The following LINGO2 variants were observed in gnomAD, a reference collection of about 807,000 sequenced individuals.
The protein encoded by LINGO2 is leucine-rich repeat and immunoglobulin-like domain-containing nogo receptor-interacting protein 2.
A neutral mutation model predicts 30.6 loss-of-function variants in LINGO2; 14 were observed. The observed-to-expected ratio is 0.46, with a 90% CI of 0.30 to 0.72. LINGO2 has a LOEUF of 0.72. LINGO2 is among the 30% of genes least tolerant of loss of function. The pLI is 0.07. For missense variants in LINGO2, 729 were observed against 751.7 expected (o/e 0.97, Z 0.35); for synonymous variants, 317 against 288.5 (o/e 1.10, Z -1.00).
At chr9:29,132,579 C>T in the LINGO2 span, among the ~76,000 whole-genome samples, 4 of 152,124 alleles carry the variant, frequency 2.6e-5, no homozygotes, top group African/African-American at 7.2e-5. Context: ...AAGTAACCAG[C>T]GTTCTTGTGT....
Position 27,969,235 on chromosome 9 carries a change from G to A in LINGO2, c.-35-18529C>T, listed in dbSNP as rs10968238. ...TTTATGGAAAACAAAGTCATTTCAG[G>A]CTTTAACTTAGCCACTTCAGGAGTA... On this transcript the variant is annotated intron_variant, in intron 5 of 5. Transcript: ENST00000379992. Among the ~76,000 whole-genome samples, 1,001 of 151,988 alleles carry A rather than the reference G, an allele frequency of 6.6e-3. 13 individuals are homozygous for A. The highest frequency in any genetic ancestry group is 0.023 in the African/African-American group (966 of 41,476).
chr9:28,494,250 G>T (rs1819497004), intron 1 of LINGO2, among the ~76,000 whole-genome samples: 1 of 151,678 alleles, frequency 6.6e-6, no homozygotes, highest in Non-Finnish European at 1.5e-5. Context: ...TAAGCACTAG[G>T]GTACATGTAC....
intron 4 of LINGO2, among the ~76,000 whole-genome samples, chr9:28,200,302 CTT>C (rs1820182107): frequency 6.6e-6 from 1 of 152,056 alleles, no homozygotes; most frequent in Non-Finnish European, 1.5e-5. Context: ...GACTTAATGA[CTT>C]TTCAAACTTC....
chr9:27,947,848 C>G (rs1306680151), downstream of LINGO2, among the ~76,000 whole-genome samples: 1 of 152,168 alleles, frequency 6.6e-6, no homozygotes, highest in Non-Finnish European at 1.5e-5. Flanking sequence ...TGAATATTAT[C>G]CTATGGTTAT....
At chr9:28,370,280 C>T (rs1186272678) in intron 3 of LINGO2, among the ~76,000 whole-genome samples, 1 of 152,124 alleles carries the variant, frequency 6.6e-6, no homozygotes, top group Admixed American at 6.5e-5. Flanking sequence ...TCATTAAACC[C>T]ACATAGTCTC....
At chr9:28,351,272 AAG>A (rs1819871638) in intron 3 of LINGO2, among the ~76,000 whole-genome samples, 1 of 145,818 alleles carries the variant, frequency 6.9e-6, no homozygotes, top group Non-Finnish European at 1.5e-5. Flanking sequence ...TAAAGAAAAA[AAG>A]AGAGAAGAAT....
chr9:28,165,595 T>C lies in LINGO2; in HGVS notation c.-87+129613A>G, dbSNP rs575847992. On this transcript the variant is annotated intron_variant, in intron 4 of 5. Transcript: ENST00000379992. The stretch of plus-strand genomic sequence containing the variant: ...GGAAAAGAAGAGCAAGAAAATGCAT[T>C]CTGAAATAAAAAATTATTGAACCTG... 9.8e-5 allele frequency among the ~76,000 whole-genome samples: 15 copies of C among 152,302 alleles called. No homozygotes were observed. The South Asian group carries it at 3.1e-3, about 32-fold the overall frequency.
the LINGO2 span, among the ~76,000 whole-genome samples, chr9:28,992,366 C>T: frequency 5.9e-5 from 9 of 152,204 alleles, no homozygotes; most frequent in East Asian, 1.2e-3. Context: ...ATTCATAAAG[C>T]AAGTCCTCAG....
the LINGO2 span, among the ~76,000 whole-genome samples, chr9:28,978,926 A>C: frequency 6.6e-6 from 1 of 152,244 alleles, no homozygotes; most frequent in East Asian, 1.9e-4. Flanking sequence ...TCATACATTG[A>C]TTGTAATTAT....
intron 4 of LINGO2, among the ~76,000 whole-genome samples, chr9:28,045,115 C>A (rs935313812): frequency 6.6e-6 from 1 of 151,948 alleles, no homozygotes. Flanking sequence ...TTTTCCCCCC[C>A]ATCCTTATGA....
chr9:28,132,600 A>C (rs992616939), intron 4 of LINGO2, among the ~76,000 whole-genome samples: 1 of 152,224 alleles, frequency 6.6e-6, no homozygotes, highest in African/African-American at 2.4e-5. Context: ...GTAGAACGTT[A>C]ACAAAATCTA....
the LINGO2 span, among the ~76,000 whole-genome samples, chr9:28,885,132 A>G: frequency 6.9e-6 from 1 of 144,424 alleles, no homozygotes; most frequent in African/African-American, 2.6e-5. Flanking sequence ...AACACTGAGC[A>G]CTCCCGGGCA....
chr9:28,073,886 C>T (rs1025325975), intron 4 of LINGO2, among the ~76,000 whole-genome samples: 3 of 152,134 alleles, frequency 2.0e-5, no homozygotes, highest in Admixed American at 6.6e-5. Context: ...TTTTAAAGAA[C>T]ATTTTTGATG....
At chr9:28,632,341 T>A (rs1334478060) in intron 1 of LINGO2, among the ~76,000 whole-genome samples, 1 of 152,050 alleles carries the variant, frequency 6.6e-6, no homozygotes, top group East Asian at 1.9e-4. Context: ...GCAGGGAAAC[T>A]GCAACTATTG....
chr9:28,943,990 A>G, the LINGO2 span, among the ~76,000 whole-genome samples: 1 of 152,226 alleles, frequency 6.6e-6, no homozygotes, highest in Non-Finnish European at 1.5e-5. Context: ...TCTGCCCTAT[A>G]TAGTGGCTTA....
At chr9:28,991,269 T>C in the LINGO2 span, among the ~76,000 whole-genome samples, 19 of 150,854 alleles carry the variant, frequency 1.3e-4, no homozygotes, top group Non-Finnish European at 5.9e-5. Flanking sequence ...GTATCAGCAA[T>C]GGAAGATGAA....
chr9:28,917,584 C>G, the LINGO2 span, among the ~76,000 whole-genome samples: 1 of 152,032 alleles, frequency 6.6e-6, no homozygotes, highest in Non-Finnish European at 1.5e-5. Flanking sequence ...TCCTGAGTAG[C>G]TGGGATTACA....
rs980799827 is a variant in LINGO2, at chr9:28,409,620, G to T, written c.-278-36752C>A. On this transcript the variant is annotated intron_variant, in intron 2 of 5. Coordinates refer to ENST00000379992, the Ensembl canonical transcript of LINGO2. ...AAAGCTGGCTTAACAGATGTGCAGG[G>T]GTGTGTGTGTGTGTGTGTGTGTGTG... 1.2e-4 allele frequency among the ~76,000 whole-genome samples: 17 copies of T among 146,316 alleles called. No homozygotes were observed. The East Asian group carries it at 1.6e-3, about 14-fold the overall frequency.
chr9:28,965,451 A>C, the LINGO2 span, among the ~76,000 whole-genome samples: 2 of 152,046 alleles, frequency 1.3e-5, no homozygotes, highest in Non-Finnish European at 2.9e-5. Flanking sequence ...TTTCCTACGT[A>C]TTTAAATCAC....
Sources: allele counts gnomAD v4.1 joint callset (sites outside exome capture counted in the v4.1 genomes callset), GRCh38; gene constraint gnomAD v4.1.1; transcripts MANE v1.5; gene names NCBI Gene and HGNC (gene_info 2026-07-23, HGNC 2026-07-21).